Variants in B3GAT2 observed in about 807,000 individuals in gnomAD.
B3GAT2 encodes the protein beta-1,3-glucuronyltransferase 2.
Under a neutral mutation model 27.8 loss-of-function variants are expected in B3GAT2, and 26 were observed. That is an observed-to-expected ratio of 0.93 (90% CI 0.68 to 1.30). The LOEUF (loss-of-function observed/expected upper bound fraction) is 1.30, where lower values mean the gene tolerates loss of function less well. Ranked by LOEUF, B3GAT2 falls within the 50% of genes most tolerant of loss-of-function variation. The pLI, the probability that B3GAT2 is intolerant of heterozygous loss-of-function variation, is 0.00. For missense variants in B3GAT2, 458 were observed against 459.0 expected (o/e 1.00, Z 0.02); for synonymous variants, 218 against 195.1 (o/e 1.12, Z -0.98).
intron 1 of B3GAT2, among the ~76,000 whole-genome samples, chr6:70,925,306 G>A (rs1181863000): frequency 6.6e-6 from 1 of 152,262 alleles, no homozygotes; most frequent in Non-Finnish European, 1.5e-5. Context: ...TTGTTGGACA[G>A]TGGGTGCAGG....
At chr6:70,912,363 G>C (rs1772701918) in intron 1 of B3GAT2, among the ~76,000 whole-genome samples, 1 of 151,844 alleles carries the variant, frequency 6.6e-6, no homozygotes, top group Admixed American at 6.6e-5. Flanking sequence ...TTCAATAGAT[G>C]TATCTGCATC....
intron 2 of B3GAT2, among the ~76,000 whole-genome samples, chr6:70,880,951 G>T (rs1424559776): frequency 6.6e-6 from 1 of 152,132 alleles, no homozygotes. Context: ...TTACAGATGT[G>T]AGCCACCACA....
chr6:70,862,701 G>T (rs547146252), intron 2 of B3GAT2, among the ~76,000 whole-genome samples: 1 of 152,156 alleles, frequency 6.6e-6, no homozygotes, highest in African/African-American at 2.4e-5. Flanking sequence ...TGGGCACAGT[G>T]TCTCACATCT....
chr6:70,860,031 G>A lies in B3GAT2; in HGVS notation c.*1632C>T. ...GTATCTAGAAAGTAGATAAAGAAGGGAACAAAGTAGCTATTTGCTTTAAGA... is the reference window on the plus strand; with the variant it reads ...GTATCTAGAAAGTAGATAAAGAAGGAAACAAAGTAGCTATTTGCTTTAAGA... On this transcript the variant is annotated 3_prime_UTR_variant, in exon 4 of 4. Transcript: ENST00000230053. The A allele has an allele frequency of 1.6e-6, 1 of 641,026 alleles. No homozygotes were observed. Among genetic ancestry groups the A allele is most frequent in the Non-Finnish European group, 2.4e-6 (1 of 413,726 alleles). The allele number at this position is 641,026 out of a possible 1,614,324, so 39.7% of individuals were successfully genotyped here. A position where few individuals can be genotyped will look rare whatever the true frequency, so the allele number is the denominator to read the frequency against.
chr6:70,945,317 A>G (rs987216549), intron 1 of B3GAT2, among the ~76,000 whole-genome samples: 1 of 152,168 alleles, frequency 6.6e-6, no homozygotes, highest in Non-Finnish European at 1.5e-5. Flanking sequence ...AGAAGTTAAA[A>G]ACTTTGAAAA....
intron 1 of B3GAT2, among the ~76,000 whole-genome samples, chr6:70,919,907 G>A (rs892405337): frequency 1.3e-5 from 2 of 152,156 alleles, no homozygotes; most frequent in South Asian, 2.1e-4. Context: ...GAACGCCCCC[G>A]TGCTGGGAGA....
intron 1 of B3GAT2, among the ~76,000 whole-genome samples, chr6:70,919,901 G>A (rs116649605): frequency 7.4e-4 from 113 of 152,278 alleles, no homozygotes; most frequent in African/African-American, 2.4e-3. Context: ...GAGCTTGAAC[G>A]CCCCCGTGCT....
chr6:70,956,725 C>T lies in B3GAT2; in HGVS notation c.-296G>A. ...TCGGTCCAGCCGCGCGCCGCCGGTCCCGGAGTTGTGCCGAGTGCGGGAAAG... is the reference window on the plus strand; with the variant it reads ...TCGGTCCAGCCGCGCGCCGCCGGTCTCGGAGTTGTGCCGAGTGCGGGAAAG... On this transcript the variant is annotated 5_prime_UTR_variant, in exon 1 of 4. Transcript: ENST00000230053. 7.6e-7 allele frequency: 1 copy of T among 1,320,246 alleles called. No individual in the cohort carries two copies. The highest frequency in any genetic ancestry group is 9.7e-7 in the Non-Finnish European group (1 of 1,034,722). The allele number at this position is 1,320,246 out of a possible 1,614,324, so 81.8% of individuals were successfully genotyped here.
intron 2 of B3GAT2, among the ~76,000 whole-genome samples, chr6:70,868,687 A>G (rs948655445): frequency 1.3e-5 from 2 of 152,118 alleles, no homozygotes; most frequent in Non-Finnish European, 2.9e-5. Context: ...AGTGTTACCA[A>G]TAGCTATCAG....
intron 1 of B3GAT2, among the ~76,000 whole-genome samples, chr6:70,940,620 A>T (rs1249520887): frequency 6.6e-6 from 1 of 152,124 alleles, no homozygotes; most frequent in African/African-American, 2.4e-5. Context: ...CCCTGGGATT[A>T]CATAGTAATT....
intron 1 of B3GAT2, among the ~76,000 whole-genome samples, chr6:70,897,673 ATAT>A (rs869063429): frequency 0.021 from 505 of 24,422 alleles, 3 homozygotes; most frequent in East Asian, 0.12. Flanking sequence ...AAAAAAAAAT[ATAT>A]ATATATATAT....
intron 1 of B3GAT2, among the ~76,000 whole-genome samples, chr6:70,915,124 T>C (rs1772750550): frequency 6.6e-6 from 1 of 152,234 alleles, no homozygotes; most frequent in Non-Finnish European, 1.5e-5. Flanking sequence ...GGTATCTCAT[T>C]GTGGTTTTGA....
At chr6:70,911,914 G>A (rs1772694440) in intron 1 of B3GAT2, among the ~76,000 whole-genome samples, 1 of 152,108 alleles carries the variant, frequency 6.6e-6, no homozygotes, top group Non-Finnish European at 1.5e-5. Context: ...TGGCTATTAT[G>A]AATGGGATTG....
intron 1 of B3GAT2, among the ~76,000 whole-genome samples, chr6:70,916,290 G>A (rs1357424186): frequency 1.3e-5 from 2 of 152,108 alleles, no homozygotes; most frequent in Admixed American, 1.3e-4. Context: ...TCAGCTTAAG[G>A]AGATTTGGAG....
chr6:70,856,891 G>A lies in B3GAT2; in HGVS notation c.*4772C>T. The A allele has an allele frequency of 6.2e-7, 1 of 1,613,600 alleles. No individual in the cohort carries two copies. The highest frequency in any genetic ancestry group is 8.5e-7 in the Non-Finnish European group (1 of 1,179,698). ...CCTCTGCACCAGCAGCTGCAACCCT[G>A]TCTACAGTAACATCTGGGGATCTAG... On this transcript the variant is annotated 3_prime_UTR_variant, in exon 4 of 4. Transcript: ENST00000230053.
Position 70,859,610 on chromosome 6 carries a change from GAAGT to G in B3GAT2, c.*2049_*2052del, listed in dbSNP as rs1349451405. 5 of 386,326 alleles carry G rather than the reference GAAGT, an allele frequency of 1.3e-5. No homozygotes were observed. Among genetic ancestry groups the G allele is most frequent in the Admixed American group, 1.3e-4 (3 of 23,314 alleles). 23.9% of individuals were successfully genotyped at this position (386,326 alleles called of 1,614,324 possible). ...TTTCCTTCTCTTATCACCAATTTTG[GAAGT>G]AAGAGAATCACAGGGTTAAGATGCT... On this transcript the variant is annotated 3_prime_UTR_variant, in exon 4 of 4. Transcript: ENST00000230053.
chr6:70,901,388 T>C (rs1302976400), intron 1 of B3GAT2, among the ~76,000 whole-genome samples: 1 of 152,194 alleles, frequency 6.6e-6, no homozygotes, highest in Admixed American at 6.5e-5. Context: ...AAATGGCTGA[T>C]TCTAGGACTG....
intron 2 of B3GAT2, among the ~76,000 whole-genome samples, chr6:70,871,587 T>A (rs1262052565): frequency 2.6e-5 from 4 of 152,036 alleles, no homozygotes; most frequent in Non-Finnish European, 5.9e-5. Flanking sequence ...CGTGCTTTCA[T>A]TCCTGATTTT....
At chr6:70,946,934 A>C (rs563027335) in intron 1 of B3GAT2, among the ~76,000 whole-genome samples, 2 of 152,356 alleles carry the variant, frequency 1.3e-5, no homozygotes, top group South Asian at 4.1e-4. Context: ...AACTTACTCA[A>C]AACTGCACAA....
Sources: allele counts gnomAD v4.1 joint callset (sites outside exome capture counted in the v4.1 genomes callset), GRCh38; gene constraint gnomAD v4.1.1; transcripts MANE v1.5; gene names NCBI Gene and HGNC (gene_info 2026-07-23, HGNC 2026-07-21).